FER1L6: variants seen among roughly 807,000 people sequenced by gnomAD.
FER1L6 encodes the protein fer-1-like protein 6.
Under a neutral mutation model 219.2 loss-of-function variants are expected in FER1L6, and 177 were observed. That is an observed-to-expected ratio of 0.81 (90% CI 0.71 to 0.91). The LOEUF is 0.91. FER1L6 is among the 40% of genes least tolerant of loss of function. The pLI is 0.00. For missense variants in FER1L6, 2,153 were observed against 2,259.9 expected (o/e 0.95, Z 0.96); for synonymous variants, 768 against 824.3 (o/e 0.93, Z 1.17).
intron 1 of FER1L6, among the ~76,000 whole-genome samples, chr8:123,923,749 G>A (rs1336491582): frequency 6.6e-6 from 1 of 151,752 alleles, no homozygotes; most frequent in Non-Finnish European, 1.5e-5. Flanking sequence ...TTACAGATGA[G>A]GAACCTAACT....
intron 14 of FER1L6, among the ~76,000 whole-genome samples, chr8:124,011,208 G>A (rs976621302): frequency 7.7e-4 from 117 of 152,022 alleles, no homozygotes; most frequent in African/African-American, 2.7e-3. Context: ...TTTAAGCTTC[G>A]CAGCCACCCA....
At chr8:123,898,727 A>T (rs905847896) in intron 1 of FER1L6, among the ~76,000 whole-genome samples, 3 of 144,842 alleles carry the variant, frequency 2.1e-5, no homozygotes, top group African/African-American at 7.8e-5. Flanking sequence ...ATATGTGTAT[A>T]TATAGTATAT....
intron 27 of FER1L6, 80 bp downstream of exon 27, chr8:124,066,630 A>G (rs948411650): frequency 4.0e-6 from 6 of 1,501,948 alleles, no homozygotes; most frequent in South Asian, 1.3e-5. Flanking sequence ...GTCCTACATA[A>G]CCTCCTTTTA....
intron 2 of FER1L6, among the ~76,000 whole-genome samples, chr8:123,961,104 A>G (rs891694746): frequency 6.6e-6 from 1 of 152,122 alleles, no homozygotes; most frequent in African/African-American, 2.4e-5. Context: ...AATATTAACA[A>G]GAAAAAATTC....
intron 31 of FER1L6, 76 bp downstream of exon 31, chr8:124,071,707 G>T: frequency 6.6e-7 from 1 of 1,506,828 alleles, no homozygotes; most frequent in Non-Finnish European, 9.0e-7. Flanking sequence ...TGGCAGACTG[G>T]GAGGCTTAAA....
In FER1L6 at chr8:123,852,622, G is replaced by A. The variant is rs986086850; in HGVS notation, c.-8+437G>A. 2.0e-5 allele frequency among the ~76,000 whole-genome samples: 3 copies of A among 152,082 alleles called. No homozygotes were observed. Among genetic ancestry groups the A allele is most frequent in the East Asian group, 1.9e-4 (1 of 5,178 alleles). Reference sequence around the variant, plus strand: ...CTCAGGAACTCATAGAAAATGTGGGGCCTCTCACAAGATTGTTAGACTTTT... The same window carrying A: ...CTCAGGAACTCATAGAAAATGTGGGACCTCTCACAAGATTGTTAGACTTTT... On this transcript the variant is annotated intron_variant, in intron 1 of 40. Transcript: ENST00000522917. The surrounding 1 kb of genome is among the most constrained non-coding windows in gnomAD (Gnocchi z 4.9).
At chr8:123,930,493 C>A (rs16899082) in intron 1 of FER1L6, among the ~76,000 whole-genome samples, 59,416 of 151,960 alleles carry the variant, frequency 0.39, 12,247 homozygotes, top group South Asian at 0.52. Flanking sequence ...GGAGCCATTC[C>A]TTTGAGCTGG....
Position 124,003,345 on chromosome 8 carries a change from C to T in FER1L6, c.1698C>T (p.Asn566=). Residue 566 remains asparagine, a splice_region_variant and synonymous_variant, in exon 13 of 41, where the codon AAC becomes AAT. Coordinates refer to ENST00000522917, the MANE Select transcript of FER1L6 (RefSeq NM_001039112.2). ...HPEKPLVTEG[N]RNYNYLPFEA... is the part of the protein sequence containing the mutation. ...AGAAGCCACTGGTGACAGAAGGGAA[C>T]AGGTAGGAGACATAGCCTGGGAGAA... 1 of 1,603,800 alleles carries T rather than the reference C, an allele frequency of 6.2e-7. No homozygotes were observed. Among genetic ancestry groups the T allele is most frequent in the Middle Eastern group, 2.0e-4 (1 of 5,058 alleles).
At chr8:124,073,614 G>A (rs528090145) in intron 31 of FER1L6, among the ~76,000 whole-genome samples, 5 of 152,046 alleles carry the variant, frequency 3.3e-5, no homozygotes, top group Middle Eastern at 3.4e-3. Context: ...TTTTTTTCTA[G>A]ATTAGTATGT....
intron 20 of FER1L6, among the ~76,000 whole-genome samples, chr8:124,044,997 A>C (rs376615643): frequency 3.3e-5 from 5 of 152,100 alleles, no homozygotes; most frequent in Non-Finnish European, 7.4e-5. Context: ...ACAGTCTACT[A>C]TCAGTGTAAG....
intron 17 of FER1L6, among the ~76,000 whole-genome samples, chr8:124,022,529 A>C (rs1376141041): frequency 1.3e-5 from 2 of 152,228 alleles, no homozygotes; most frequent in African/African-American, 2.4e-5. Context: ...TCGACTTTAA[A>C]TTCTAATTTC....
intron 13 of FER1L6, 57 bp downstream of exon 13, chr8:124,003,404 G>A: frequency 2.0e-6 from 2 of 977,702 alleles, no homozygotes; most frequent in Admixed American, 2.7e-5. Flanking sequence ...ATTTTGTCCA[G>A]TTTCTAGGAC....
intron 39 of FER1L6, among the ~76,000 whole-genome samples, chr8:124,105,838 C>T (rs1427171096): frequency 6.6e-6 from 1 of 152,158 alleles, no homozygotes; most frequent in South Asian, 2.1e-4. Flanking sequence ...GAATGAAATA[C>T]TGATACGTGC....
At chr8:124,093,873 G>T (rs1193484489) in intron 34 of FER1L6, among the ~76,000 whole-genome samples, 1 of 151,846 alleles carries the variant, frequency 6.6e-6, no homozygotes, top group Non-Finnish European at 1.5e-5. Flanking sequence ...TTTTATACAG[G>T]CATGCAATGT....
intron 18 of FER1L6, among the ~76,000 whole-genome samples, chr8:124,029,259 T>C (rs866004839): frequency 7.2e-5 from 11 of 152,350 alleles, no homozygotes; most frequent in South Asian, 6.2e-4. Flanking sequence ...TGTGTCTTTA[T>C]AGTAGAATGA....
At chr8:124,115,126 T>A (rs1823189726) in intron 39 of FER1L6, among the ~76,000 whole-genome samples, 1 of 151,330 alleles carries the variant, frequency 6.6e-6, no homozygotes. Flanking sequence ...GCACATTATA[T>A]ATGTGGTATG....
chr8:124,000,379 T>A (rs1020718502), intron 12 of FER1L6, among the ~76,000 whole-genome samples: 1 of 152,212 alleles, frequency 6.6e-6, no homozygotes, highest in African/African-American at 2.4e-5. Context: ...CTTATGAAGG[T>A]GCTTATTTTG....
chr8:124,098,729 T>C (rs1822416920), intron 37 of FER1L6, among the ~76,000 whole-genome samples: 1 of 152,188 alleles, frequency 6.6e-6, no homozygotes, highest in South Asian at 2.1e-4. Context: ...TATTTTACCA[T>C]GGCTTGAAAT....
At chr8:124,042,070 C>T (rs1018473781) in intron 20 of FER1L6, among the ~76,000 whole-genome samples, 8 of 152,070 alleles carry the variant, frequency 5.3e-5, no homozygotes, top group African/African-American at 1.7e-4. Flanking sequence ...TAGGATGGAC[C>T]CCTGGAGCCC....
Sources: allele counts gnomAD v4.1 joint callset (sites outside exome capture counted in the v4.1 genomes callset), GRCh38; gene constraint gnomAD v4.1.1; non-coding constraint Gnocchi (gnomAD v3.1); transcripts MANE v1.5; gene names NCBI Gene and HGNC (gene_info 2026-07-23, HGNC 2026-07-21).